Variants in NAP1L4 observed in about 807,000 individuals in gnomAD.
NAP1L4 encodes the protein nucleosome assembly protein 1 like 4.
A neutral mutation model predicts 58.2 loss-of-function variants in NAP1L4; 15 were observed. That is an observed-to-expected ratio of 0.26 (90% confidence interval 0.17 to 0.40). The LOEUF (loss-of-function observed/expected upper bound fraction) is 0.40, where lower values mean the gene tolerates loss of function less well. NAP1L4 is among the 10% of genes least tolerant of loss of function. NAP1L4 has a pLI of 1.00. For synonymous variants in NAP1L4, 171 were observed against 155.6 expected, an observed-to-expected ratio of 1.10 and a Z score of -0.74; for missense variants, 384 against 451.1, an observed-to-expected ratio of 0.85 and a Z score of 1.35.
rs1313045617 is a variant in NAP1L4, at chr11:2,971,935, CTAA to C, written c.315+164_315+166del. Among the ~76,000 whole-genome samples, 1 of 152,292 alleles carries C rather than the reference CTAA, an allele frequency of 6.6e-6. No homozygotes were observed. The highest frequency in any genetic ancestry group is 1.9e-4 in the East Asian group (1 of 5,188). On this transcript the variant is annotated intron_variant, in intron 5 of 15. Transcript: ENST00000380542. This position sits in a 1 kb window ranked among gnomAD's most constrained non-coding sequence, Gnocchi z 4.2. ...GAAGATGATTTTGCCTGACTGCAGG[CTAA>C]TGTTAGCGTTCTGAGCTTGTTTAAG...
At chr11:2,973,151 C>T (rs1040310240) in intron 4 of NAP1L4, among the ~76,000 whole-genome samples, 1 of 152,202 alleles carries the variant, frequency 6.6e-6, no homozygotes, top group Non-Finnish European at 1.5e-5. Flanking sequence ...TGTTAACACA[C>T]TGGAGGAAAA....
intron 1 of NAP1L4, among the ~76,000 whole-genome samples, chr11:2,988,758 G>A (rs1488816783): frequency 6.6e-6 from 1 of 152,134 alleles, no homozygotes; most frequent in Non-Finnish European, 1.5e-5. Context: ...GTTTTTAACA[G>A]TTAACAGGGG....
chr11:2,954,431 T>G lies in NAP1L4; in HGVS notation c.1035+96A>C. 6.4e-7 allele frequency: 1 copy of G among 1,557,942 alleles called. No individual in the cohort carries two copies. ...TCTGGCTGATGATGTAATAAAAAGA[T>G]TAGGCATGGGGGTTTCCTAAGCCAC... On this transcript the variant is annotated intron_variant, in intron 12 of 15. Transcript: ENST00000380542. This position sits in a 1 kb window ranked among gnomAD's most constrained non-coding sequence, Gnocchi z 4.8.
chr11:2,966,797 C>T (rs1004217963), intron 7 of NAP1L4, among the ~76,000 whole-genome samples: 2 of 152,194 alleles, frequency 1.3e-5, no homozygotes, highest in African/African-American at 4.8e-5. Context: ...ACTTCAAACT[C>T]ATCCCACTCA....
At chr11:2,967,320 AAAC>A (rs1847340601) in intron 7 of NAP1L4, among the ~76,000 whole-genome samples, 2 of 152,150 alleles carry the variant, frequency 1.3e-5, no homozygotes, top group Non-Finnish European at 2.9e-5. Flanking sequence ...AGACATTAAA[AAAC>A]AACTGTTGGC....
intron 9 of NAP1L4, chr11:2,958,747 G>T (rs960282590): frequency 1.7e-6 from 1 of 572,660 alleles, no homozygotes; most frequent in Non-Finnish European, 3.1e-6. Flanking sequence ...ACTTGGGTGT[G>T]ACCACTGGAA....
intron 1 of NAP1L4, among the ~76,000 whole-genome samples, chr11:2,984,948 G>A (rs1848537595): frequency 6.6e-6 from 1 of 152,222 alleles, no homozygotes; most frequent in Non-Finnish European, 1.5e-5. Context: ...GGGACCAGAA[G>A]TGTTTCAGAT....
intron 10 of NAP1L4, among the ~76,000 whole-genome samples, chr11:2,956,849 C>T (rs920459166): frequency 6.6e-6 from 1 of 152,234 alleles, no homozygotes; most frequent in Admixed American, 6.5e-5. Context: ...CCACAGGAGT[C>T]CATTTTGTCT....
Position 2,954,264 on chromosome 11 carries a change from T to C in NAP1L4, c.1035+263A>G. 1.8e-6 allele frequency: 1 copy of C among 542,882 alleles called. No homozygotes were observed. The highest frequency in any genetic ancestry group is 3.3e-6 in the Non-Finnish European group (1 of 301,510). The allele number at this position is 542,882 out of a possible 1,614,324, so 33.6% of individuals were successfully genotyped here. The stretch of plus-strand genomic sequence containing the variant: ...TAGGTTTTGAGAGAATATTGTTGAG[T>C]CACTAGGCAGGGCTCACATAGGAAA... On this transcript the variant is annotated intron_variant, in intron 12 of 15. Transcript: ENST00000380542. The surrounding 1 kb of genome is among the most constrained non-coding windows in gnomAD (Gnocchi z 4.8).
At chr11:2,981,988 A>C (rs1303803500) in intron 1 of NAP1L4, among the ~76,000 whole-genome samples, 1 of 152,128 alleles carries the variant, frequency 6.6e-6, no homozygotes, top group Non-Finnish European at 1.5e-5. Flanking sequence ...TTCCCTTCTC[A>C]CATATTCTAA....
In NAP1L4 at chr11:2,951,645, A is replaced by C; in HGVS notation, c.1065+135T>G. On this transcript the variant is annotated intron_variant, in intron 13 of 15. Transcript: ENST00000380542. This position sits in a 1 kb window ranked among gnomAD's most constrained non-coding sequence, Gnocchi z 4.0. ...ATGCATTTCTGCTTAGTGTTTTAAG[A>C]ACATTCTTAGAATCAAAGACAGCGT... is the stretch of plus-strand genomic sequence containing the variant. The C allele has an allele frequency of 4.7e-6, 4 of 845,680 alleles. No homozygotes were observed. The highest frequency in any genetic ancestry group is 7.7e-6 in the Non-Finnish European group (4 of 522,784). 52.4% of individuals were successfully genotyped at this position (845,680 alleles called of 1,614,324 possible). A position where few individuals can be genotyped will look rare whatever the true frequency, so the allele number is the denominator to read the frequency against.
intron 7 of NAP1L4, among the ~76,000 whole-genome samples, chr11:2,967,631 ATT>A (rs1448256202): frequency 1.3e-5 from 2 of 148,990 alleles, no homozygotes; most frequent in Admixed American, 6.6e-5. Context: ...AAAAGAAAAT[ATT>A]GTTAAAAAAA....
At position 2,971,445 on chromosome 11, in the gene NAP1L4, T is replaced by C; in HGVS notation, c.402+3A>G. The C allele has an allele frequency of 6.2e-7, 1 of 1,613,212 alleles. No individual in the cohort carries two copies. The highest frequency in any genetic ancestry group is 1.1e-5 in the South Asian group (1 of 91,046). ...CATGAGTCACATGTTTCTAAAGACTTACAGCCAATTTCTCTTCCTCTTCAT... is the reference window on the plus strand; with the variant it reads ...CATGAGTCACATGTTTCTAAAGACTCACAGCCAATTTCTCTTCCTCTTCAT... On this transcript the variant is annotated splice_donor_region_variant and intron_variant, in intron 6 of 15. Transcript: ENST00000380542. The surrounding 1 kb of genome is among the most constrained non-coding windows in gnomAD (Gnocchi z 4.2).
chr11:2,963,098 C>CAAA (rs55650724), intron 8 of NAP1L4, among the ~76,000 whole-genome samples: 1 of 97,088 alleles, frequency 1.0e-5, no homozygotes, highest in Non-Finnish European at 2.0e-5. Context: ...GACTCGGTCT[C>CAAA]AAAAAAAAAA....
chr11:2,963,295 G>C (rs1021263642), intron 8 of NAP1L4, among the ~76,000 whole-genome samples: 1 of 152,142 alleles, frequency 6.6e-6, no homozygotes, highest in African/African-American at 2.4e-5. Flanking sequence ...GGAAGAGAAT[G>C]CACACCAACG....
chr11:2,982,385 T>A (rs1328262679), intron 1 of NAP1L4, among the ~76,000 whole-genome samples: 1 of 152,230 alleles, frequency 6.6e-6, no homozygotes. Flanking sequence ...CCTACTAACC[T>A]GGAAACATCT....
rs370632105 is a variant in NAP1L4 at position 2,987,907 on chromosome 11, T to C, written c.-18+4347A>G. Among the ~76,000 whole-genome samples, 317 of 152,256 alleles carry C rather than the reference T, an allele frequency of 2.1e-3. 1 individual carries two copies. The highest frequency in any genetic ancestry group is 7.2e-3 in the African/African-American group (298 of 41,546). On this transcript the variant is annotated intron_variant, in intron 1 of 15. Coordinates refer to ENST00000380542, the MANE Select transcript of NAP1L4 (RefSeq NM_005969.4). The stretch of plus-strand genomic sequence containing the variant: ...GGATGAGACTGGTTGCCAAGAAATC[T>C]TTGCTTAACTCACTGCTACCAAATG...
chr11:2,983,022 A>AAAAAAAC (rs369587316), intron 1 of NAP1L4, among the ~76,000 whole-genome samples: 1 of 152,258 alleles, frequency 6.6e-6, no homozygotes, highest in South Asian at 2.1e-4. Flanking sequence ...TCCATCTCAA[A>AAAAAAAC]AAAAAACAAA....
At position 2,954,755 on chromosome 11, in the gene NAP1L4, A is replaced by C; in HGVS notation, c.916-109T>G. The C allele has an allele frequency of 7.0e-7, 1 of 1,421,892 alleles. No individual in the cohort carries two copies. The highest frequency in any genetic ancestry group is 9.8e-7 in the Non-Finnish European group (1 of 1,015,698). The allele number at this position is 1,421,892 out of a possible 1,614,324, so 88.1% of individuals were successfully genotyped here. A position where few individuals can be genotyped will look rare whatever the true frequency, so the allele number is the denominator to read the frequency against. ...TCACTTTTGATTTACTTAACTTAAAACACCAAACTCCTGCACTGCTGGGGG... is the reference window on the plus strand; with the variant it reads ...TCACTTTTGATTTACTTAACTTAAACCACCAAACTCCTGCACTGCTGGGGG... On this transcript the variant is annotated intron_variant, in intron 11 of 15. Coordinates refer to ENST00000380542, the MANE Select transcript of NAP1L4 (RefSeq NM_005969.4). The surrounding 1 kb of genome is among the most constrained non-coding windows in gnomAD (Gnocchi z 4.8).
Sources: allele counts gnomAD v4.1 joint callset (sites outside exome capture counted in the v4.1 genomes callset), GRCh38; gene constraint gnomAD v4.1.1; non-coding constraint Gnocchi (gnomAD v3.1); transcripts MANE v1.5; gene names NCBI Gene and HGNC (gene_info 2026-07-23, HGNC 2026-07-21).